The following UBR4 variants were observed in gnomAD, a reference collection of about 807,000 sequenced individuals.
UBR4 encodes E3 ubiquitin-protein ligase UBR4.
Under a neutral mutation model 575.6 loss-of-function variants are expected in UBR4, and 124 were observed. The observed-to-expected ratio is 0.22, with a 90% confidence interval of 0.19 to 0.25. The LOEUF is 0.25. UBR4 is among the 10% of genes least tolerant of loss of function. The pLI is 1.00. For synonymous variants in UBR4, 2,455 were observed against 2,473.7 expected (o/e 0.99, Z 0.22); for missense variants, 4,818 against 6,478.8 (o/e 0.74, Z 8.80).
chr1:19,141,355 T>G lies in UBR4; in HGVS notation c.8480A>C (p.Asp2827Ala). 3 of 1,614,234 alleles carry G rather than the reference T, an allele frequency of 1.9e-6. No homozygotes were observed. Among genetic ancestry groups the G allele is most frequent in the Non-Finnish European group, 2.5e-6 (3 of 1,180,042 alleles). The part of the protein sequence containing the change: ...ELAIALSLQQ[D>A]QQGSSSSALG... ...TTGGCATGGCCTTCTACCTTGTTGGTCCTGCTGCAGGCTCAGGGCAATGGC... is the reference window on the plus strand; with the variant it reads ...TTGGCATGGCCTTCTACCTTGTTGGGCCTGCTGCAGGCTCAGGGCAATGGC... The change falls in exon 57 of 106, where the codon GAC becomes GCC. Residue 2827 changes from aspartate (D) to alanine (A), a missense_variant. Asp to Ala is a moderately radical substitution (Grantham distance 126, BLOSUM62 -2). Around this residue, in one of 29 missense-constraint regions of UBR4, gnomAD observed 129 missense variants for 198.4 expected, o/e 0.65. Coordinates refer to ENST00000375254, the MANE Select transcript of UBR4 (RefSeq NM_020765.3).
Position 19,161,773 on chromosome 1 carries a change from T to A in UBR4, c.5028-37A>T, listed in dbSNP as rs779807480. On this transcript the variant is annotated intron_variant, in intron 36 of 105. Transcript: ENST00000375254. ...AAGAACCAGCAAATAAGCTCAGAAG[T>A]CCCAACAATCGGTGCCCAGCAAATC... 4 of 1,613,596 alleles carry A rather than the reference T, an allele frequency of 2.5e-6. No homozygotes were observed. The Admixed American group carries it at 6.7e-5, about 27-fold the overall frequency.
intron 24 of UBR4, 26 bp downstream of exon 24, chr1:19,173,155 A>G: frequency 1.9e-6 from 3 of 1,614,046 alleles, no homozygotes; most frequent in Non-Finnish European, 2.5e-6. Flanking sequence ...ACCAAGTTCT[A>G]TCATTTAGGT....
chr1:19,119,731 A>AG, intron 69 of UBR4, 30 bp from the exon 70 acceptor site: 1 of 1,587,464 alleles, frequency 6.3e-7, no homozygotes, highest in Non-Finnish European at 8.6e-7. Flanking sequence ...CATGTTACCA[A>AG]GCAGCAGAAA....
intron 67 of UBR4, 37 bp from the exon 68 acceptor site, chr1:19,121,471 G>C: frequency 1.3e-6 from 2 of 1,591,534 alleles, no homozygotes; most frequent in African/African-American, 1.3e-5. Flanking sequence ...CCTCTGAGAC[G>C]ACCTCAACCA....
chr1:19,086,586 G>A (rs571180766), intron 100 of UBR4, 93 bp downstream of exon 100: 3 of 1,527,710 alleles, frequency 2.0e-6, no homozygotes, highest in African/African-American at 1.4e-5. Context: ...AGACTAAGGA[G>A]CAGATTTAAA....
Position 19,153,756 on chromosome 1 carries a change from T to C in UBR4, c.6630+12A>G. ...CACAGCAAAGTAATGAATGGGAAAA[T>C]CTGGCACTGACCTTCGCTTTAGCAG... is the stretch of plus-strand genomic sequence containing the variant. On this transcript the variant is annotated intron_variant, in intron 45 of 105. Coordinates refer to ENST00000375254, the MANE Select transcript of UBR4 (RefSeq NM_020765.3). This position sits in a 1 kb window ranked among gnomAD's most constrained non-coding sequence, Gnocchi z 4.1. The C allele has an allele frequency of 6.2e-7, 1 of 1,611,212 alleles. No individual in the cohort carries two copies. The highest frequency in any genetic ancestry group is 8.5e-7 in the Non-Finnish European group (1 of 1,178,664).
In UBR4 at chr1:19,145,942, G is replaced by A. The variant is rs1450220674; in HGVS notation, c.7805-9C>T. On this transcript the variant is annotated splice_polypyrimidine_tract_variant and intron_variant, in intron 52 of 105. Transcript: ENST00000375254. ...CCCTTCATCCATTCCTTCTAAGCAG[G>A]AGAAAGAAAATTATCAACGATGGTA... The A allele has an allele frequency of 6.2e-7, 1 of 1,613,058 alleles. No homozygotes were observed. The highest frequency in any genetic ancestry group is 1.1e-5 in the South Asian group (1 of 91,004).
At position 19,117,512 on chromosome 1, in the gene UBR4, A is replaced by C; in HGVS notation, c.10630-98T>G. 1 of 1,324,566 alleles carries C rather than the reference A, an allele frequency of 7.5e-7. No homozygotes were observed. Among genetic ancestry groups the C allele is most frequent in the Non-Finnish European group, 1.0e-6 (1 of 964,730 alleles). The allele number at this position is 1,324,566 out of a possible 1,614,324, so 82.1% of individuals were successfully genotyped here. Reference sequence around the variant, plus strand: ...AACCCACTCTTCATCCACAAGATGAAGTTTCTATTTAATTTTTTAAAAAAT... The same window carrying C: ...AACCCACTCTTCATCCACAAGATGACGTTTCTATTTAATTTTTTAAAAAAT... On this transcript the variant is annotated intron_variant, in intron 72 of 105. Coordinates refer to ENST00000375254, the MANE Select transcript of UBR4 (RefSeq NM_020765.3). This position sits in a 1 kb window ranked among gnomAD's most constrained non-coding sequence, Gnocchi z 4.0.
intron 60 of UBR4, among the ~76,000 whole-genome samples, chr1:19,130,454 T>G (rs894883133): frequency 1.3e-5 from 2 of 152,174 alleles, no homozygotes; most frequent in Non-Finnish European, 2.9e-5. Flanking sequence ...AGTTCAAGGT[T>G]ACAGTGAGCC....
Position 19,161,907 on chromosome 1 carries a change from T to C in UBR4, c.4957-10A>G, listed in dbSNP as rs754927046. 1 of 1,613,918 alleles carries C rather than the reference T, an allele frequency of 6.2e-7. No individual in the cohort carries two copies. Among genetic ancestry groups the C allele is most frequent in the Non-Finnish European group, 8.5e-7 (1 of 1,179,950 alleles). On this transcript the variant is annotated splice_polypyrimidine_tract_variant and intron_variant, in intron 35 of 105. Transcript: ENST00000375254. Reference sequence around the variant, plus strand: ...AAAGAGAATCTTCATCCTTCAAAAATAATAAGTCTTTTTAATTCGAAATAT... The same window carrying C: ...AAAGAGAATCTTCATCCTTCAAAAACAATAAGTCTTTTTAATTCGAAATAT...
chr1:19,123,138 T>C, intron 65 of UBR4, 78 bp from the exon 66 acceptor site: 1 of 1,477,944 alleles, frequency 6.8e-7, no homozygotes, highest in African/African-American at 1.4e-5. Flanking sequence ...ACACCCTGGG[T>C]TTTAATAAAC....
In UBR4 at chr1:19,117,335, G is replaced by A. The variant is rs147370904; in HGVS notation, c.10709C>T (p.Thr3570Ile). 4 of 1,614,022 alleles carry A rather than the reference G, an allele frequency of 2.5e-6. No individual in the cohort carries two copies. Among genetic ancestry groups the A allele is most frequent in the Middle Eastern group, 1.6e-4 (1 of 6,080 alleles). Residue 3570 changes from threonine (T) to isoleucine (I), a missense_variant, in exon 73 of 106, where the codon ACC becomes ATC. Around this residue, in one of 29 missense-constraint regions of UBR4, gnomAD observed 550 missense variants for 791.5 expected, o/e 0.69. Transcript: ENST00000375254. The surrounding 1 kb of genome is among the most constrained non-coding windows in gnomAD (Gnocchi z 4.0). ...GATTTTCACTGTCACTTTGCTGATG[G>A]TGTGACTGCCAATGAGCTTCACAAC... is the stretch of plus-strand genomic sequence containing the variant. ...QQVVKLIGSH[T>I]ISKVTVKIGD... is the part of the protein sequence containing the mutation.
intron 11 of UBR4, among the ~76,000 whole-genome samples, chr1:19,191,464 A>G (rs1215314239): frequency 6.6e-6 from 1 of 152,090 alleles, no homozygotes; most frequent in Non-Finnish European, 1.5e-5. Flanking sequence ...GAGGGAGACT[A>G]TGTCTCAAAA....
intron 55 of UBR4, 147 bp downstream of exon 55, chr1:19,143,833 T>C (rs1448607652): frequency 1.2e-5 from 7 of 579,684 alleles, no homozygotes; most frequent in South Asian, 2.6e-5. Context: ...AAATTCTTTA[T>C]GGGGTGAGGT....
chr1:19,107,196 G>A (rs2079309740), intron 81 of UBR4, among the ~76,000 whole-genome samples: 1 of 152,166 alleles, frequency 6.6e-6, no homozygotes, highest in Non-Finnish European at 1.5e-5. Context: ...TTATTGTGCA[G>A]CAGAAGCTGT....
intron 25 of UBR4, among the ~76,000 whole-genome samples, chr1:19,171,198 T>C (rs946861892): frequency 8.4e-6 from 1 of 118,588 alleles, no homozygotes; most frequent in Non-Finnish European, 1.7e-5. Flanking sequence ...GAATACTATA[T>C]TTTTTAAAAC....
At chr1:19,190,312 A>AAAAAATATATATAT in intron 11 of UBR4, among the ~76,000 whole-genome samples, 93 of 79,804 alleles carry the variant, frequency 1.2e-3, no homozygotes, top group Non-Finnish European at 1.4e-3. Flanking sequence ...AAAAAAAAAA[A>AAAAAATATATATAT]ATATATATAT....
intron 100 of UBR4, 28 bp from the exon 101 acceptor site, chr1:19,086,298 C>G (rs1423746704): frequency 1.5e-6 from 2 of 1,357,496 alleles, no homozygotes; most frequent in Non-Finnish European, 1.9e-6. Context: ...CAGGGACAAG[C>G]GACTGCTGGC....
chr1:19,110,517 G>A lies in UBR4; in HGVS notation c.11893-53C>T, dbSNP rs894157329. The A allele has an allele frequency of 6.4e-6, 10 of 1,561,884 alleles. No individual in the cohort carries two copies. The highest frequency in any genetic ancestry group is 4.5e-5 in the East Asian group (2 of 44,594). ...TCAAGAGGGTCAGCTCCGGTCCAGCGACTCTTAACTATTAATACAATTTCT... is the reference window on the plus strand; with the variant it reads ...TCAAGAGGGTCAGCTCCGGTCCAGCAACTCTTAACTATTAATACAATTTCT... On this transcript the variant is annotated intron_variant, in intron 79 of 105. Transcript: ENST00000375254. The surrounding 1 kb of genome is among the most constrained non-coding windows in gnomAD (Gnocchi z 4.5).
Sources: allele counts gnomAD v4.1 joint callset (sites outside exome capture counted in the v4.1 genomes callset), GRCh38; gene constraint gnomAD v4.1.1; regional missense constraint gnomAD v4.1.1; non-coding constraint Gnocchi (gnomAD v3.1); transcripts MANE v1.5; gene names NCBI Gene and HGNC (gene_info 2026-07-23, HGNC 2026-07-21).